Variants in TMEM232 observed in about 807,000 individuals in gnomAD.
The protein encoded by TMEM232 is transmembrane protein 232.
In TMEM232, 80 loss-of-function variants were observed where a neutral mutation model predicts 78.8. The ratio of observed to expected loss-of-function variants is 1.01; its 90% CI spans 0.85 to 1.22. The LOEUF (loss-of-function observed/expected upper bound fraction) is 1.22. Ranked by LOEUF, TMEM232 falls within the 50% of genes most tolerant of loss-of-function variation. TMEM232 has a pLI of 0.00. For missense variants in TMEM232, 881 were observed against 742.2 expected, an observed-to-expected ratio of 1.19 and a Z score of -2.17; for synonymous variants, 297 against 254.3, an observed-to-expected ratio of 1.17 and a Z score of -1.60.
chr5:110,391,480 T>C (rs567336697), intron 3 of TMEM232, among the ~76,000 whole-genome samples: 1 of 152,220 alleles, frequency 6.6e-6, no homozygotes, highest in South Asian at 2.1e-4. Context: ...TCCATATCCT[T>C]ATAGAATTTA....
chr5:110,553,140 C>T (rs1419065249), intron 11 of TMEM232, among the ~76,000 whole-genome samples: 1 of 152,022 alleles, frequency 6.6e-6, no homozygotes, highest in African/African-American at 2.4e-5. Flanking sequence ...TTACTGTAGC[C>T]TTGTAGTATA....
At chr5:110,695,489 C>T (rs1794658532) in intron 1 of TMEM232, among the ~76,000 whole-genome samples, 1 of 151,964 alleles carries the variant, frequency 6.6e-6, no homozygotes, top group African/African-American at 2.4e-5. Context: ...ACAAAAAACC[C>T]CTCAAAAAAT....
intron 2 of TMEM232, among the ~76,000 whole-genome samples, chr5:110,657,858 A>G (rs1789294211): frequency 6.6e-6 from 1 of 152,184 alleles, no homozygotes; most frequent in Non-Finnish European, 1.5e-5. Context: ...TAATCAATAT[A>G]TAGAGAAACA....
intron 10 of TMEM232, among the ~76,000 whole-genome samples, chr5:110,603,139 C>G (rs1781152807): frequency 6.6e-6 from 1 of 151,938 alleles, no homozygotes; most frequent in Non-Finnish European, 1.5e-5. Flanking sequence ...CCGGGCCTGT[C>G]AGGGGTTGGG....
At chr5:110,595,564 T>C (rs1285722832) in intron 10 of TMEM232, among the ~76,000 whole-genome samples, 5 of 152,058 alleles carry the variant, frequency 3.3e-5, no homozygotes, top group African/African-American at 9.7e-5. Context: ...GAATATCCAG[T>C]TTAGAAAAGA....
At chr5:110,414,286 T>C (rs1239718957) in intron 2 of TMEM232, among the ~76,000 whole-genome samples, 2 of 152,222 alleles carry the variant, frequency 1.3e-5, no homozygotes, top group Non-Finnish European at 2.9e-5. Flanking sequence ...ATATGTACAG[T>C]ATTATATTTT....
intron 1 of TMEM232, among the ~76,000 whole-genome samples, chr5:110,720,159 T>A (rs970211528): frequency 6.6e-6 from 1 of 152,186 alleles, no homozygotes; most frequent in South Asian, 2.1e-4. Context: ...CCCTGGGCAG[T>A]CTCCAAGCCA....
At chr5:110,647,899 C>A (rs1787734470) in intron 2 of TMEM232, among the ~76,000 whole-genome samples, 1 of 151,850 alleles carries the variant, frequency 6.6e-6, no homozygotes, top group Non-Finnish European at 1.5e-5. Context: ...TTTTGGTTAC[C>A]ACCTCTGCTT....
rs1214070870 is a variant in TMEM232, at chr5:110,568,464, C to A, written c.1438G>T (p.Ala480Ser). ...DYEEDVRIQN[A>S]INIAQAELND... is the part of the protein sequence containing the mutation. The stretch of plus-strand genomic sequence containing the variant: ...TACCTTACCTGAGCTATATTGATTG[C>A]ATTTTGGATTCGTACATCTTCCTCA... Residue 480 changes from alanine (A) to serine (S), a missense_variant, in exon 11 of 14, where the codon GCA (alanine) becomes TCA (serine). Physicochemically the swap from Ala to Ser is moderately conservative, Grantham distance 99. Coordinates refer to ENST00000455884, the MANE Select transcript of TMEM232 (RefSeq NM_001039763.4). 1 of 1,546,538 alleles carries A rather than the reference C, an allele frequency of 6.5e-7. No individual in the cohort carries two copies. The highest frequency in any genetic ancestry group is 8.7e-7 in the Non-Finnish European group (1 of 1,144,692).
At chr5:110,712,083 C>T (rs1796542178) in intron 1 of TMEM232, among the ~76,000 whole-genome samples, 1 of 115,796 alleles carries the variant, frequency 8.6e-6, no homozygotes, top group South Asian at 2.8e-4. Flanking sequence ...GCCTGGGGGA[C>T]AGACAGAGCG....
Position 110,605,348 on chromosome 5 carries a change from C to T in TMEM232, c.1037G>A (p.Cys346Tyr). The change falls in exon 10 of 14, where the codon TGC becomes TAC. Residue 346 changes from cysteine (C) to tyrosine (Y), a missense_variant. Coordinates refer to ENST00000455884, the MANE Select transcript of TMEM232 (RefSeq NM_001039763.4). ...IMSVQNQEES[C>Y]KVDDFSWAWN... is the part of the protein sequence containing the mutation. ...GGCCCAGGAAAAATCATCTACCTTGCAACTTTCTTCCTGAAATGAGAAAAT... is the reference window on the plus strand; with the variant it reads ...GGCCCAGGAAAAATCATCTACCTTGTAACTTTCTTCCTGAAATGAGAAAAT... 1.3e-6 allele frequency: 2 copies of T among 1,539,786 alleles called. No homozygotes were observed. Among genetic ancestry groups the T allele is most frequent in the Non-Finnish European group, 1.8e-6 (2 of 1,141,420 alleles).
intron 10 of TMEM232, among the ~76,000 whole-genome samples, chr5:110,598,924 A>G (rs1301163258): frequency 1.3e-5 from 2 of 150,554 alleles, no homozygotes; most frequent in African/African-American, 2.4e-5. Flanking sequence ...TGACGAGTTA[A>G]TGGGTGCAGC....
intron 1 of TMEM232, among the ~76,000 whole-genome samples, chr5:110,677,505 T>C (rs932898146): frequency 6.6e-6 from 1 of 152,208 alleles, no homozygotes; most frequent in Non-Finnish European, 1.5e-5. Context: ...TCTCATAATT[T>C]AGCAATTATC....
intron 8 of TMEM232, 33 bp downstream of exon 8, chr5:110,618,396 T>A: frequency 6.5e-7 from 1 of 1,546,314 alleles, no homozygotes; most frequent in African/African-American, 1.4e-5. Flanking sequence ...GATTTCTCCA[T>A]GAGTTACTTT....
chr5:110,712,208 T>C (rs573818234), intron 1 of TMEM232, among the ~76,000 whole-genome samples: 1 of 146,402 alleles, frequency 6.8e-6, no homozygotes, highest in East Asian at 2.0e-4. Flanking sequence ...TATTGAGTAA[T>C]ACCCCATGAA....
At chr5:110,445,299 T>A (rs1410571899) in intron 12 of TMEM232, among the ~76,000 whole-genome samples, 1 of 152,054 alleles carries the variant, frequency 6.6e-6, no homozygotes, top group Non-Finnish European at 1.5e-5. Context: ...TAACACATAA[T>A]AAATTACATA....
chr5:110,538,915 G>A (rs1025533116), intron 11 of TMEM232, among the ~76,000 whole-genome samples: 5 of 152,056 alleles, frequency 3.3e-5, no homozygotes, highest in Admixed American at 6.5e-5. Flanking sequence ...AAGGAAAGCC[G>A]CAAACAAGAT....
chr5:110,538,781 T>G (rs1772729292), intron 11 of TMEM232, among the ~76,000 whole-genome samples: 2 of 151,224 alleles, frequency 1.3e-5, no homozygotes, highest in African/African-American at 4.9e-5. Flanking sequence ...GAGCCCCAGG[T>G]AATTCTGGAT....
At chr5:110,606,745 T>C (rs897508784) in intron 8 of TMEM232, among the ~76,000 whole-genome samples, 4 of 151,996 alleles carry the variant, frequency 2.6e-5, no homozygotes, top group African/African-American at 9.7e-5. Context: ...ACTCTTTGAT[T>C]TTGGAAAAAG....
Sources: allele counts gnomAD v4.1 joint callset (sites outside exome capture counted in the v4.1 genomes callset), GRCh38; gene constraint gnomAD v4.1.1; transcripts MANE v1.5; gene names NCBI Gene and HGNC (gene_info 2026-07-23, HGNC 2026-07-21).